Variants in TTN observed in about 807,000 individuals in gnomAD.
TTN encodes connectin.
Under a neutral mutation model 3,223.0 loss-of-function variants are expected in TTN, and 1,525 were observed. That is an observed-to-expected ratio of 0.47 (90% CI 0.45 to 0.49). The LOEUF (loss-of-function observed/expected upper bound fraction) is 0.49, where lower values mean the gene tolerates loss of function less well. Among genes scored for constraint, TTN ranks in the 20% least tolerant of loss-of-function variants. The pLI is 0.00. For synonymous variants in TTN, 14,094 were observed against 15,161.0 expected (o/e 0.93, Z 5.17); for missense variants, 40,786 against 43,424.0 (o/e 0.94, Z 5.40).
chr2:178,593,771 C>T lies in TTN; in HGVS notation c.58529G>A (p.Ser19510Asn), dbSNP rs1209004438. The T allele has an allele frequency of 6.2e-7, 1 of 1,613,184 alleles. No homozygotes were observed. The highest frequency in any genetic ancestry group is 8.5e-7 in the Non-Finnish European group (1 of 1,179,604). ...SWKPPLDDGG[S>N]KITNYIIEKK... Reference sequence around the variant, plus strand: ...CTCAATAATATAATTGGTGATTTTACTGCCTCCATCATCTAAAGGAGGCTT... The same window carrying T: ...CTCAATAATATAATTGGTGATTTTATTGCCTCCATCATCTAAAGGAGGCTT... Residue 19510 changes from serine to asparagine, a missense_variant, in exon 298 of 363, where the codon AGT (serine) becomes AAT (asparagine). By Grantham distance (46) the Ser-to-Asn change is conservative. Coordinates refer to ENST00000589042, the MANE Select transcript of TTN (RefSeq NM_001267550.2).
chr2:178,794,930 C>A lies in TTN; in HGVS notation c.1237G>T (p.Ala413Ser). Residue 413 changes from alanine (A) to serine (S), a missense_variant, in exon 7 of 363, where the codon GCT becomes TCT. Physicochemically the swap from Ala to Ser is moderately conservative, Grantham distance 99. Transcript: ENST00000589042. Reference protein sequence around the residue: ...SYAAEAVATGAKEVKQDADKS... With the variant: ...SYAAEAVATGSKEVKQDADKS... ...AACCATTCTGACAGTACCTCTTTAG[C>A]ACCAGTGGCAACAGCCTCTGCTGCG... 2 of 1,601,976 alleles carry A rather than the reference C, an allele frequency of 1.2e-6. No homozygotes were observed. Among genetic ancestry groups the A allele is most frequent in the Non-Finnish European group, 1.7e-6 (2 of 1,179,944 alleles).
intron 43 of TTN, among the ~76,000 whole-genome samples, chr2:178,760,389 G>T (rs563227948): frequency 6.6e-6 from 1 of 152,128 alleles, no homozygotes; most frequent in South Asian, 2.1e-4. Flanking sequence ...AATTAGCCAG[G>T]TGTGGTGGCA....
Position 178,576,679 on chromosome 2 carries a change from C to G in TTN, c.69565G>C (p.Ala23189Pro), listed in dbSNP as rs747399870. 1.2e-6 allele frequency: 2 copies of G among 1,613,544 alleles called. No homozygotes were observed. Among genetic ancestry groups the G allele is most frequent in the Admixed American group, 1.7e-5 (1 of 59,992 alleles). The change falls in exon 325 of 363, where the codon GCA (alanine) becomes CCA (proline). Residue 23189 changes from alanine to proline, a missense_variant. Coordinates refer to ENST00000589042, the MANE Select transcript of TTN (RefSeq NM_001267550.2). The surrounding 1 kb of genome is among the most constrained non-coding windows in gnomAD (Gnocchi z 4.3). ...AGATCGGAAACTGGTGTTTTTATTG[C>G]TCTCACCCATCGCAGGCTTTTCTTT... ...REKKSLRWVR[A>P]IKTPVSDLRC...
In TTN at chr2:178,621,731, A is replaced by G. The variant is rs1214864091; in HGVS notation, c.45093T>C (p.Ala15031=). The change falls in exon 245 of 363, where the codon GCT becomes GCC. Residue 15031 remains alanine, a synonymous_variant. Coordinates refer to ENST00000589042, the MANE Select transcript of TTN (RefSeq NM_001267550.2). ...TGTTGGCAAGATTTTTGGTAAAGAC[A>G]GCTTCTTCTTCTGCAAGCATTGAAA... ...SGMLTVLEEE[A]VFTKNLANIE... 1 of 1,610,944 alleles carries G rather than the reference A, an allele frequency of 6.2e-7. No individual in the cohort carries two copies. The highest frequency in any genetic ancestry group is 8.5e-7 in the Non-Finnish European group (1 of 1,178,668).
rs1417881535 is a variant in TTN, at chr2:178,565,865, C to G, written c.80267G>C (p.Arg26756Thr). 1.2e-6 allele frequency: 2 copies of G among 1,613,642 alleles called. No individual in the cohort carries two copies. The highest frequency in any genetic ancestry group is 1.7e-5 in the Admixed American group (1 of 59,986). ...TCCAAATTCATTTTCAGCCATGACT[C>G]TGAAGTAATAAATGGCTCCTTCTGT... ...NLTEGAIYYF[R>T]VMAENEFGVG... is the part of the protein sequence containing the mutation. The change falls in exon 326 of 363, where the codon AGA becomes ACA. Residue 26756 changes from arginine to threonine, a missense_variant. Coordinates refer to ENST00000589042, the MANE Select transcript of TTN (RefSeq NM_001267550.2).
chr2:178,609,789 G>A lies in TTN; in HGVS notation c.51634C>T (p.Leu17212Phe), dbSNP rs1473716049. 3 of 1,612,842 alleles carry A rather than the reference G, an allele frequency of 1.9e-6. No individual in the cohort carries two copies. The highest frequency in any genetic ancestry group is 3.3e-5 in the Admixed American group (2 of 59,960). The change falls in exon 272 of 363, where the codon CTT (leucine) becomes TTT (phenylalanine). Residue 17212 changes from leucine to phenylalanine, a missense_variant. Coordinates refer to ENST00000589042, the MANE Select transcript of TTN (RefSeq NM_001267550.2). ...AATTGGTACTCTTTCCCCTCTTCAA[G>A]TCCTTTTGCTGTATAGGTCAGGATT... is the stretch of plus-strand genomic sequence containing the variant. The part of the protein sequence containing the change: ...VPILTYTAKG[L>F]EEGKEYQFRV...
At chr2:178,559,226 T>G in intron 326 of TTN, 85 bp downstream of exon 326, 1 of 1,286,736 alleles carries the variant, frequency 7.8e-7, no homozygotes, top group Non-Finnish European at 1.1e-6. Context: ...GCATTTAAGA[T>G]GAAATAACGA....
At chr2:178,744,748 A>G in intron 47 of TTN, 4 of 985,056 alleles carry the variant, frequency 4.1e-6, no homozygotes, top group Non-Finnish European at 4.8e-6. Context: ...CTATATGTAA[A>G]CACAATATGA....
At chr2:178,735,430 A>T in intron 50 of TTN, 81 bp downstream of exon 50, 1 of 1,298,816 alleles carries the variant, frequency 7.7e-7, no homozygotes, top group Non-Finnish European at 1.0e-6. Context: ...AAGTGTACTG[A>T]CTGAATTGTT....
At chr2:178,623,315 G>A (rs1363053327) in intron 242 of TTN, among the ~76,000 whole-genome samples, 1 of 151,018 alleles carries the variant, frequency 6.6e-6, no homozygotes, top group Non-Finnish European at 1.5e-5. Context: ...TATAAGTCAG[G>A]CATAACATCT....
At position 178,537,205 on chromosome 2, in the gene TTN, C is replaced by T. The variant is rs1291047229; in HGVS notation, c.99904G>A (p.Ala33302Thr). The T allele has an allele frequency of 2.5e-6, 4 of 1,610,854 alleles. No homozygotes were observed. The highest frequency in any genetic ancestry group is 3.4e-6 in the Non-Finnish European group (4 of 1,177,510). The change falls in exon 356 of 363, where the codon GCT (alanine) becomes ACT (threonine). Residue 33302 changes from alanine (A) to threonine (T), a missense_variant. Ala to Thr is a moderately conservative substitution (Grantham distance 58). Transcript: ENST00000589042. ...ATCACTGCGGAGTTCTTCAATAGAG[C>T]TTCGATCACAATTGGTCCTGTAGGT... ...DKPTGPIVIE[A>T]LLKNSAVISW...
Position 178,679,903 on chromosome 2 carries a change from G to C in TTN, c.33571C>G (p.Pro11191Ala). The change falls in exon 140 of 363, where the codon CCA becomes GCA. Residue 11191 changes from proline to alanine, a missense_variant. Physicochemically the swap from Pro to Ala is conservative, Grantham distance 27. Transcript: ENST00000589042. ...ITEEEVVPVI[P>A]VKVPEVPRKP... ...AGGAGGCATCATCTACCTTTGACTG[G>C]TATCACTGGCACCACTTCTTCCTCA... is the stretch of plus-strand genomic sequence containing the variant. 6.2e-7 allele frequency: 1 copy of C among 1,612,880 alleles called. No homozygotes were observed. Among genetic ancestry groups the C allele is most frequent in the Non-Finnish European group, 8.5e-7 (1 of 1,179,304 alleles).
intron 294 of TTN, 128 bp downstream of exon 294, chr2:178,597,410 T>C: frequency 8.9e-7 from 1 of 1,123,302 alleles, no homozygotes; most frequent in Admixed American, 2.9e-5. Context: ...CTAATAATGT[T>C]CAACATGATT....
chr2:178,681,734 T>C lies in TTN; in HGVS notation c.33099A>G (p.Pro11033=). Residue 11033 remains proline (P), a synonymous_variant, in exon 136 of 363, where the codon CCA becomes CCG. Transcript: ENST00000589042. ...YEEHEEYITE[P]EKPIPVKPVP... ...CAGGCTTTACAGGGATAGGCTTCTC[T>C]GGTTCTTTAAAAGTACATACAAGGT... 1 of 1,592,622 alleles carries C rather than the reference T, an allele frequency of 6.3e-7. No homozygotes were observed. The highest frequency in any genetic ancestry group is 8.5e-7 in the Non-Finnish European group (1 of 1,174,664).
intron 326 of TTN, chr2:178,558,966 C>T (rs573921339): frequency 1.0e-4 from 38 of 366,936 alleles, no homozygotes; most frequent in East Asian, 2.6e-4. Context: ...TCTGTACACA[C>T]GCACATACAC....
rs1561093321 is a variant in TTN, at chr2:178,757,171, T to TACTTACTTTAAGTACAGTAAGTAATACC, written c.10678+370_10678+371insGGTATTACTTACTGTACTTAAAGTAAGT. On this transcript the variant is annotated intron_variant, in intron 45 of 362. Transcript: ENST00000589042. ...ATGCTTTAAGTACAGTAAGTAATAC[T>TACTTACTTTAAGTACAGTAAGTAATACC]GTACTTACTTTAAGTACAGTAAGTA... Among the ~76,000 whole-genome samples, 330 of 151,752 alleles carry TACTTACTTTAAGTACAGTAAGTAATACC rather than the reference T, an allele frequency of 2.2e-3. 6 individuals are homozygous for TACTTACTTTAAGTACAGTAAGTAATACC. Among genetic ancestry groups the TACTTACTTTAAGTACAGTAAGTAATACC allele is most frequent in the African/African-American group, 7.6e-3 (311 of 40,982 alleles).
At chr2:178,538,010 C>G (rs1035007546) in intron 354 of TTN, 93 bp from the exon 355 acceptor site, 2 of 1,121,530 alleles carry the variant, frequency 1.8e-6, no homozygotes, top group Non-Finnish European at 2.5e-6. Flanking sequence ...ACCTTATTTA[C>G]TGACACATAC....
intron 47 of TTN, chr2:178,747,350 G>A (rs1161803047): frequency 2.5e-6 from 4 of 1,613,280 alleles, no homozygotes; most frequent in South Asian, 2.2e-5. Context: ...TGAATGTATT[G>A]AGGATTGTTT....
chr2:178,539,638 T>G lies in TTN; in HGVS notation c.98427A>C (p.Gln32809His), dbSNP rs1271415335. 2 of 1,613,688 alleles carry G rather than the reference T, an allele frequency of 1.2e-6. No individual in the cohort carries two copies. Among genetic ancestry groups the G allele is most frequent in the African/African-American group, 2.7e-5 (2 of 74,920 alleles). The change falls in exon 352 of 363, where the codon CAA becomes CAC. Residue 32809 changes from glutamine to histidine, a missense_variant. Gln to His is a conservative substitution (Grantham distance 24). Coordinates refer to ENST00000589042, the MANE Select transcript of TTN (RefSeq NM_001267550.2). ...PEGPLEYDDI[Q>H]VRSVRVSWRP... ...TCCAGCTGACCCTCACAGAGCGGAC[T>G]TGGATGTCATCATATTCCAGTGGCC...
Sources: gnomAD v4.1 joint callset for allele counts (sites outside exome capture counted in the v4.1 genomes callset) on GRCh38, gnomAD v4.1.1 for gene constraint, Gnocchi (gnomAD v3.1) non-coding constraint, MANE v1.5 for transcripts, NCBI Gene and HGNC (gene_info 2026-07-23, HGNC 2026-07-21) for gene names.